The following DAB2IP variants were observed in gnomAD, a reference collection of about 807,000 sequenced individuals.
The protein encoded by DAB2IP is disabled homolog 2-interacting protein.
DAB2IP carries 28 observed loss-of-function variants against 107.2 expected under a neutral mutation model. That is an observed-to-expected ratio of 0.26 (90% CI 0.19 to 0.36). DAB2IP has a LOEUF of 0.36. Ranked by LOEUF, DAB2IP falls within the 10% of genes least tolerant of loss-of-function variation. The probability of loss-of-function intolerance (pLI) is 1.00; values close to 1 mark genes in which losing one functional copy is unlikely to be tolerated. For synonymous variants in DAB2IP, 755 were observed against 706.4 expected (o/e 1.07, Z -1.09); for missense variants, 1,400 against 1,644.7 (o/e 0.85, Z 2.57).
intron 1 of DAB2IP, among the ~76,000 whole-genome samples, chr9:121,676,991 C>T (rs1309612652): frequency 1.3e-5 from 2 of 152,196 alleles, no homozygotes; most frequent in East Asian, 3.8e-4. Flanking sequence ...TGAGCTGTCA[C>T]CATTTAAGAG....
chr9:121,614,685 C>G (rs1196113746), intron 1 of DAB2IP, among the ~76,000 whole-genome samples: 1 of 151,484 alleles, frequency 6.6e-6, no homozygotes, highest in Admixed American at 6.6e-5. Context: ...TGGAACATCC[C>G]CTATTTGGTC....
At chr9:121,626,974 C>A (rs909977762) in intron 1 of DAB2IP, among the ~76,000 whole-genome samples, 9 of 152,154 alleles carry the variant, frequency 5.9e-5, no homozygotes, top group Admixed American at 3.9e-4. Flanking sequence ...TCTGTGCTCA[C>A]ACAAGCACAG....
chr9:121,640,871 T>C (rs959255318), intron 1 of DAB2IP, among the ~76,000 whole-genome samples: 1 of 152,178 alleles, frequency 6.6e-6, no homozygotes. Flanking sequence ...TTCACTTTCA[T>C]ACTTTCTCAG....
chr9:121,775,657 C>A (rs146909873), intron 13 of DAB2IP, among the ~76,000 whole-genome samples: 1 of 152,212 alleles, frequency 6.6e-6, no homozygotes, highest in Non-Finnish European at 1.5e-5. Flanking sequence ...AGAGCCTGGA[C>A]CACCTGCCTT....
chr9:121,605,202 G>T (rs1830828926), intron 1 of DAB2IP, among the ~76,000 whole-genome samples: 1 of 151,686 alleles, frequency 6.6e-6, no homozygotes, highest in Non-Finnish European at 1.5e-5. Flanking sequence ...GTATTTTTTT[G>T]TAGAGACAGG....
At chr9:121,665,875 A>G (rs1833398593) in intron 1 of DAB2IP, among the ~76,000 whole-genome samples, 1 of 152,184 alleles carries the variant, frequency 6.6e-6, no homozygotes, top group Admixed American at 6.5e-5. Flanking sequence ...GATGATCTGA[A>G]CCTGTATCTC....
At chr9:121,747,721 C>G (rs1048112921) in intron 3 of DAB2IP, among the ~76,000 whole-genome samples, 1 of 152,046 alleles carries the variant, frequency 6.6e-6, no homozygotes, top group Non-Finnish European at 1.5e-5. Context: ...AACTGCTTTG[C>G]GGTCCCCAAA....
chr9:121,718,656 A>G (rs1830750005), intron 3 of DAB2IP, among the ~76,000 whole-genome samples: 1 of 152,236 alleles, frequency 6.6e-6, no homozygotes. Context: ...GGGGGATAGT[A>G]TCAGTTCATG....
intron 2 of DAB2IP, among the ~76,000 whole-genome samples, chr9:121,697,722 C>G (rs971196953): frequency 6.6e-6 from 1 of 152,134 alleles, no homozygotes; most frequent in Admixed American, 6.5e-5. Flanking sequence ...CCTGGGATGG[C>G]CTTCTGGTGA....
chr9:121,654,761 T>C (rs1243817263), intron 1 of DAB2IP, among the ~76,000 whole-genome samples: 2 of 152,154 alleles, frequency 1.3e-5, no homozygotes, highest in Non-Finnish European at 2.9e-5. Context: ...GGTCCCATGG[T>C]GTGGTAGCAT....
intron 1 of DAB2IP, among the ~76,000 whole-genome samples, chr9:121,672,071 T>G (rs1334848245): frequency 6.6e-6 from 1 of 152,250 alleles, no homozygotes; most frequent in Admixed American, 6.5e-5. Flanking sequence ...CTGCCAACAT[T>G]TGGAGTCGCA....
At chr9:121,570,418 C>G (rs560462852) in intron 1 of DAB2IP, among the ~76,000 whole-genome samples, 2 of 151,886 alleles carry the variant, frequency 1.3e-5, no homozygotes, top group African/African-American at 4.8e-5. Flanking sequence ...GACACTAATC[C>G]TACTAGGGCC....
chr9:121,590,719 T>C (rs935128222), intron 1 of DAB2IP, among the ~76,000 whole-genome samples: 1 of 152,118 alleles, frequency 6.6e-6, no homozygotes, highest in Non-Finnish European at 1.5e-5. Context: ...ACAGAGCCTA[T>C]TGATGGAGGT....
chr9:121,721,064 G>A (rs974380494), intron 3 of DAB2IP, among the ~76,000 whole-genome samples: 3 of 152,210 alleles, frequency 2.0e-5, no homozygotes, highest in Admixed American at 6.5e-5. Flanking sequence ...TTTAACAGAA[G>A]TCCTGGGGAT....
chr9:121,596,091 C>T (rs532204175), intron 1 of DAB2IP, among the ~76,000 whole-genome samples: 1 of 152,264 alleles, frequency 6.6e-6, no homozygotes, highest in East Asian at 1.9e-4. Flanking sequence ...GAGGCCGAGG[C>T]AGGTGGATCA....
At chr9:121,768,448 G>A in exon 10 of DAB2IP, 1 of 1,614,200 alleles carries the variant, frequency 6.2e-7, no homozygotes, top group South Asian at 1.1e-5. Context: ...CAGCAAGGAG[G>A]AATACATGTC....
chr9:121,631,813 TAAAAAA>T (rs752400251), intron 1 of DAB2IP, among the ~76,000 whole-genome samples: 1 of 58,896 alleles, frequency 1.7e-5, no homozygotes, highest in African/African-American at 7.1e-5. Flanking sequence ...AGACTCCGTC[TAAAAAA>T]AAAAAAAAAA....
chr9:121,636,595 T>G (rs1832096475), intron 1 of DAB2IP, among the ~76,000 whole-genome samples: 1 of 152,032 alleles, frequency 6.6e-6, no homozygotes, highest in African/African-American at 2.4e-5. Context: ...CCGTCTGGTT[T>G]CTCCCAAGTC....
chr9:121,741,687 C>T lies in DAB2IP; in HGVS notation c.363-15326C>T, dbSNP rs187958521. Among the ~76,000 whole-genome samples, 981 of 151,776 alleles carry T rather than the reference C, an allele frequency of 6.5e-3. 8 individuals carry two copies. Among genetic ancestry groups the T allele is most frequent in the Non-Finnish European group, 0.011 (744 of 67,968 alleles). On this transcript the variant is annotated intron_variant, in intron 3 of 15. Transcript: ENST00000408936. The stretch of plus-strand genomic sequence containing the variant: ...GGGTCCTTTTATAGAAAGAAACAGG[C>T]TGAGAGAAAGAAATGACTTGGCCAC...
Sources: allele counts gnomAD v4.1 joint callset (sites outside exome capture counted in the v4.1 genomes callset), GRCh38; gene constraint gnomAD v4.1.1; transcripts MANE v1.5; gene names NCBI Gene and HGNC (gene_info 2026-07-23, HGNC 2026-07-21).